Variants in GBA2 observed in about 807,000 individuals in gnomAD.
GBA2 encodes the protein non-lysosomal glucosylceramidase.
A neutral mutation model predicts 112.9 loss-of-function variants in GBA2; 79 were observed. The ratio of observed to expected loss-of-function variants is 0.70; its 90% CI spans 0.58 to 0.84. The LOEUF (loss-of-function observed/expected upper bound fraction) is 0.84, where lower values mean the gene tolerates loss of function less well. Ranked by LOEUF, GBA2 falls within the 40% of genes least tolerant of loss-of-function variation. The probability of loss-of-function intolerance (pLI) is 0.00; values close to 1 mark genes in which losing one functional copy is unlikely to be tolerated. For synonymous variants in GBA2, 403 were observed against 434.3 expected (o/e 0.93, Z 0.90); for missense variants, 1,043 against 1,190.0 (o/e 0.88, Z 1.82).
At chr9:35,744,259 G>A in intron 3 of GBA2, 38 bp downstream of exon 3, 1 of 1,121,122 alleles carries the variant, frequency 8.9e-7, no homozygotes, top group Non-Finnish European at 1.4e-6. Flanking sequence ...TTGGCCTGGG[G>A]AGGTATTGTC....
chr9:35,744,484 A>C (rs2132002428), intron 2 of GBA2, 72 bp from the exon 3 acceptor site: 1 of 1,089,172 alleles, frequency 9.2e-7, no homozygotes, highest in South Asian at 1.3e-5. Context: ...TCTAGACTAT[A>C]AAGCCTGGTT....
chr9:35,738,168 A>G lies in GBA2; in HGVS notation c.2198-16T>C. 6.2e-7 allele frequency: 1 copy of G among 1,613,492 alleles called. No individual in the cohort carries two copies. Among genetic ancestry groups the G allele is most frequent in the East Asian group, 2.2e-5 (1 of 44,882 alleles). On this transcript the variant is annotated splice_polypyrimidine_tract_variant and intron_variant, in intron 14 of 16. Coordinates refer to ENST00000378103, the MANE Select transcript of GBA2 (RefSeq NM_020944.3). The stretch of plus-strand genomic sequence containing the variant: ...TAATAGCGGCCTGGAGTCGAGGAAG[A>G]GAAAAATAAGGCTCCTGGTGTCCTC...
rs1358204639 is a variant in GBA2 at position 35,740,378 on chromosome 9, G to A, written c.1130-16C>T. 6.2e-7 allele frequency: 1 copy of A among 1,611,356 alleles called. No individual in the cohort carries two copies. Among genetic ancestry groups the A allele is most frequent in the Admixed American group, 1.7e-5 (1 of 59,976 alleles). On this transcript the variant is annotated splice_polypyrimidine_tract_variant and intron_variant, in intron 6 of 16. Coordinates refer to ENST00000378103, the MANE Select transcript of GBA2 (RefSeq NM_020944.3). This position sits in a 1 kb window ranked among gnomAD's most constrained non-coding sequence, Gnocchi z 4.7. ...GTGCTTTGGCCTGAGAGAAACACAA[G>A]AGAATTCAGGACAGGAGCCCCTTCA...
Position 35,741,526 on chromosome 9 carries a change from CTGATCTCA to C in GBA2, c.786+138_786+145del, listed in dbSNP as rs1164731931. ...TGTTAGCCAGGATGGTCTCGATCTCCTGATCTCATGATCCGCCTGCCTTGGCCTCCCAA... is the reference window on the plus strand; with the variant it reads ...TGTTAGCCAGGATGGTCTCGATCTCCTGATCCGCCTGCCTTGGCCTCCCAA... On this transcript the variant is annotated intron_variant, in intron 4 of 16. Coordinates refer to ENST00000378103, the MANE Select transcript of GBA2 (RefSeq NM_020944.3). The surrounding 1 kb of genome is among the most constrained non-coding windows in gnomAD (Gnocchi z 4.6). 2.8e-6 allele frequency: 2 copies of C among 706,556 alleles called. No homozygotes were observed. The highest frequency in any genetic ancestry group is 5.2e-6 in the Non-Finnish European group (2 of 382,096). The allele number at this position is 706,556 out of a possible 1,614,324, so 43.8% of individuals were successfully genotyped here.
chr9:35,740,794 G>C lies in GBA2; in HGVS notation c.1026+31C>G. On this transcript the variant is annotated intron_variant, in intron 5 of 16. Coordinates refer to ENST00000378103, the MANE Select transcript of GBA2 (RefSeq NM_020944.3). This position sits in a 1 kb window ranked among gnomAD's most constrained non-coding sequence, Gnocchi z 4.7. ...TGCTGGGGTGGAGGTGGGGTTCAGGGGCTAAGGTATAGGGCAGGCTCTTTC... is the reference window on the plus strand; with the variant it reads ...TGCTGGGGTGGAGGTGGGGTTCAGGCGCTAAGGTATAGGGCAGGCTCTTTC... 2 of 1,611,652 alleles carry C rather than the reference G, an allele frequency of 1.2e-6. No individual in the cohort carries two copies. The highest frequency in any genetic ancestry group is 1.7e-6 in the Non-Finnish European group (2 of 1,178,240).
chr9:35,737,557 A>G lies in GBA2; in HGVS notation c.2506-110T>C. 6.4e-7 allele frequency: 1 copy of G among 1,556,168 alleles called. No individual in the cohort carries two copies. The highest frequency in any genetic ancestry group is 8.7e-7 in the Non-Finnish European group (1 of 1,148,032). On this transcript the variant is annotated intron_variant, in intron 16 of 16. Transcript: ENST00000378103. The surrounding 1 kb of genome is among the most constrained non-coding windows in gnomAD (Gnocchi z 4.1). ...CTTTGCCTTCAAGGAGCTCCCAGCA[A>G]GTGGAGGAGATAACTATGACCCACA...
In GBA2 at chr9:35,737,973, T is replaced by G. The variant is rs1299086794; in HGVS notation, c.2314-34A>C. ...GCAAGGGCAGGAACATGGTCTCATATACTTACTTCCCACCTCCAGGGAAAA... is the reference window on the plus strand; with the variant it reads ...GCAAGGGCAGGAACATGGTCTCATAGACTTACTTCCCACCTCCAGGGAAAA... On this transcript the variant is annotated intron_variant, in intron 15 of 16. Coordinates refer to ENST00000378103, the MANE Select transcript of GBA2 (RefSeq NM_020944.3). The surrounding 1 kb of genome is among the most constrained non-coding windows in gnomAD (Gnocchi z 4.1). 3 of 1,602,306 alleles carry G rather than the reference T, an allele frequency of 1.9e-6. No individual in the cohort carries two copies. The highest frequency in any genetic ancestry group is 1.3e-5 in the African/African-American group (1 of 74,656).
Position 35,744,392 on chromosome 9 carries a change from C to T in GBA2, c.472G>A (p.Gly158Arg), listed in dbSNP as rs1450303709. 3.7e-6 allele frequency: 6 copies of T among 1,607,858 alleles called. No homozygotes were observed. Among genetic ancestry groups the T allele is most frequent in the African/African-American group, 2.7e-5 (2 of 74,748 alleles). The change falls in exon 3 of 17, where the codon GGG (glycine) becomes AGG (arginine). Residue 158 changes from glycine (G) to arginine (R), a missense_variant. Transcript: ENST00000378103. ...QIYGCPLGGI[G>R]GGTITRGWRG... ...CAGCCACGGGTAATAGTGCCTCCCC[C>T]GATGCCACCCAAGGGACAACCTAGA...
chr9:35,741,040 A>AG lies in GBA2; in HGVS notation c.810dup (p.Phe271LeufsTer8). The AG allele has an allele frequency of 6.2e-7, 1 of 1,614,066 alleles. No individual in the cohort carries two copies. Among genetic ancestry groups the AG allele is most frequent in the Non-Finnish European group, 8.5e-7 (1 of 1,179,994 alleles). On this transcript the variant is annotated frameshift_variant, in exon 5 of 17. Coordinates refer to ENST00000378103, the MANE Select transcript of GBA2 (RefSeq NM_020944.3). LOFTEE classifies it high-confidence loss of function. This position sits in a 1 kb window ranked among gnomAD's most constrained non-coding sequence, Gnocchi z 4.6. ...CCTTCATTTTCCACATCCCACACAA[A>AG]GACTCCTACAGGCAGGCTGCTGTCC... is the stretch of plus-strand genomic sequence containing the variant.
At chr9:35,745,514 T>A (rs1194492575) in intron 1 of GBA2, among the ~76,000 whole-genome samples, 1 of 152,060 alleles carries the variant, frequency 6.6e-6, no homozygotes, top group Non-Finnish European at 1.5e-5. Flanking sequence ...AATCAGTGTT[T>A]ATATTTATTT....
In GBA2 at chr9:35,746,257, T is replaced by G. The variant is rs893659267; in HGVS notation, c.360-1551A>C. On this transcript the variant is annotated intron_variant, in intron 1 of 16. Transcript: ENST00000378103. This position sits in a 1 kb window ranked among gnomAD's most constrained non-coding sequence, Gnocchi z 5.2. ...TACAAATGATGGGGCACAAGAGAGA[T>G]AACAGACTGGAGCAGAGGAGAAGAA... 5.3e-5 allele frequency among the ~76,000 whole-genome samples: 8 copies of G among 152,156 alleles called. No individual in the cohort carries two copies. The highest frequency in any genetic ancestry group is 7.4e-5 in the Non-Finnish European group (5 of 68,016).
At position 35,740,878 on chromosome 9, in the gene GBA2, G is replaced by A. The variant is rs1247647001; in HGVS notation, c.973C>T (p.His325Tyr). 1 of 1,613,638 alleles carries A rather than the reference G, an allele frequency of 6.2e-7. No homozygotes were observed. Among genetic ancestry groups the A allele is most frequent in the African/African-American group, 1.3e-5 (1 of 74,810 alleles). The change falls in exon 5 of 17, where the codon CAT becomes TAT. Residue 325 changes from histidine (H) to tyrosine (Y), a missense_variant. His to Tyr is a moderately conservative substitution (Grantham distance 83). Transcript: ENST00000378103. The surrounding 1 kb of genome is among the most constrained non-coding windows in gnomAD (Gnocchi z 4.7). ...SGETVRGLLL[H>Y]HPTLPNPYTM... ...TAGGGGTTTGGAAGGGTTGGATGAT[G>A]CAGGAGCAGCCCCCGGACAGTTTCC...
In GBA2 at chr9:35,741,116, C is replaced by T. The variant is rs774181930; in HGVS notation, c.787-52G>A. On this transcript the variant is annotated intron_variant, in intron 4 of 16. Coordinates refer to ENST00000378103, the MANE Select transcript of GBA2 (RefSeq NM_020944.3). This position sits in a 1 kb window ranked among gnomAD's most constrained non-coding sequence, Gnocchi z 4.6. ...GGTCCCAGTAGAGCGCCTCCTGACC[C>T]CACTCTGCTAGGATCAGTCCTGGGC... is the stretch of plus-strand genomic sequence containing the variant. The T allele has an allele frequency of 4.4e-6, 7 of 1,601,698 alleles. No homozygotes were observed. In the African/African-American group the frequency reaches 8.0e-5, roughly 18 times the overall value.
rs1419940037 is a variant in GBA2, at chr9:35,741,774, G to A, written c.684C>T (p.Tyr228=). The A allele has an allele frequency of 6.2e-7, 1 of 1,613,912 alleles. No homozygotes were observed. Among genetic ancestry groups the A allele is most frequent in the Non-Finnish European group, 8.5e-7 (1 of 1,179,838 alleles). ...NWGLCGYFAF[Y]HALYPRAWTV... Reference sequence around the variant, plus strand: ...TCCAGGCTCGGGGATAGAGGGCATGGTAGAAAGCAAAGTACCCACACAGGC... The same window carrying A: ...TCCAGGCTCGGGGATAGAGGGCATGATAGAAAGCAAAGTACCCACACAGGC... The change falls in exon 4 of 17, where the codon TAC becomes TAT. Residue 228 remains tyrosine (Y), a synonymous_variant. Transcript: ENST00000378103. This position sits in a 1 kb window ranked among gnomAD's most constrained non-coding sequence, Gnocchi z 4.6.
At position 35,748,387 on chromosome 9, in the gene GBA2, G is replaced by A; in HGVS notation, c.318C>T (p.Val106=). ...TATGCTTTATCATGTTGCTTAGGGA[G>A]ACGTTGTTAGCTTGAAAGGGTTTCC... ...EKRKPFQANN[V]SLSNMIKHIG... The change falls in exon 1 of 17, where the codon GTC becomes GTT. Residue 106 remains valine, a synonymous_variant. Coordinates refer to ENST00000378103, the MANE Select transcript of GBA2 (RefSeq NM_020944.3). 6.2e-7 allele frequency: 1 copy of A among 1,613,982 alleles called. No individual in the cohort carries two copies. Among genetic ancestry groups the A allele is most frequent in the Non-Finnish European group, 8.5e-7 (1 of 1,179,836 alleles).
chr9:35,740,833 G>T lies in GBA2; in HGVS notation c.1018C>A (p.Arg340=). 1.2e-6 allele frequency: 2 copies of T among 1,614,068 alleles called. No individual in the cohort carries two copies. Among genetic ancestry groups the T allele is most frequent in the Non-Finnish European group, 8.5e-7 (1 of 1,179,964 alleles). Residue 340 remains arginine, a synonymous_variant, in exon 5 of 17, where the codon CGA becomes AGA. Transcript: ENST00000378103. This position sits in a 1 kb window ranked among gnomAD's most constrained non-coding sequence, Gnocchi z 4.7. ...PNPYTMAVAA[R]VTAATTVTHI... ...GCAGGCTCTTTCCTTACCGTGACTC[G>T]TGCAGCCACAGCCATCGTGTAGGGG...
In GBA2 at chr9:35,748,956, C is replaced by T; in HGVS notation, c.-252G>A. Reference sequence around the variant, plus strand: ...GACGGGAAGGGTCGGGCCTCGTCGTCATTGAGCCGACGATTAGCTCGCCCG... The same window carrying T: ...GACGGGAAGGGTCGGGCCTCGTCGTTATTGAGCCGACGATTAGCTCGCCCG... On this transcript the variant is annotated 5_prime_UTR_variant, in exon 1 of 17. The change abolishes an upstream ATG in the 5' untranslated region. Coordinates refer to ENST00000378103, the MANE Select transcript of GBA2 (RefSeq NM_020944.3). 2.7e-6 allele frequency: 1 copy of T among 368,286 alleles called. No homozygotes were observed. The highest frequency in any genetic ancestry group is 4.8e-6 in the Non-Finnish European group (1 of 207,506). 22.8% of individuals were successfully genotyped at this position (368,286 alleles called of 1,614,324 possible).
In GBA2 at chr9:35,741,490, G is replaced by C; in HGVS notation, c.786+182C>G. On this transcript the variant is annotated intron_variant, in intron 4 of 16. Coordinates refer to ENST00000378103, the MANE Select transcript of GBA2 (RefSeq NM_020944.3). This position sits in a 1 kb window ranked among gnomAD's most constrained non-coding sequence, Gnocchi z 4.6. ...TTTTTTTTGTATTTTTAGTAGATAT[G>C]GGGTTTCACGTGTTAGCCAGGATGG... 1 of 611,298 alleles carries C rather than the reference G, an allele frequency of 1.6e-6. No individual in the cohort carries two copies. The highest frequency in any genetic ancestry group is 2.9e-6 in the Non-Finnish European group (1 of 340,120). The allele number at this position is 611,298 out of a possible 1,614,324, so 37.9% of individuals were successfully genotyped here.
At chr9:35,739,455 TC>T in intron 9 of GBA2, 36 bp from the exon 10 acceptor site, 2 of 1,497,984 alleles carry the variant, frequency 1.3e-6, no homozygotes, top group Admixed American at 3.4e-5. Context: ...TTGCCAGAAT[TC>T]CTGCTTCCCC....
Sources: allele counts gnomAD v4.1 joint callset (sites outside exome capture counted in the v4.1 genomes callset), GRCh38; gene constraint gnomAD v4.1.1; non-coding constraint Gnocchi (gnomAD v3.1); transcripts MANE v1.5; gene names NCBI Gene and HGNC (gene_info 2026-07-23, HGNC 2026-07-21).